The following ACYP2 variants were observed in gnomAD, a reference collection of about 807,000 sequenced individuals.
ACYP2 encodes the protein acylphosphatase 2, also known as acylphosphatase-2.
Under a neutral mutation model 11.2 loss-of-function variants are expected in ACYP2, and 12 were observed. The ratio of observed to expected loss-of-function variants is 1.08; its 90% CI spans 0.69 to 1.74. ACYP2 has a LOEUF of 1.74. Among genes scored for constraint, ACYP2 ranks in the 40% most tolerant of loss-of-function variants. The pLI is 0.00. For missense variants in ACYP2, 134 were observed against 101.9 expected (o/e 1.31, Z -1.35); for synonymous variants, 43 against 32.2 (o/e 1.33, Z -1.13).
intron 6 of ACYP2, among the ~76,000 whole-genome samples, chr2:54,298,730 CCTGTCTGCTCAGG>C (rs1301499487): frequency 5.3e-5 from 8 of 152,296 alleles, no homozygotes; most frequent in African/African-American, 1.4e-4. Flanking sequence ...GAGCAGCTGC[CCTGTCTGCTCAGG>C]CAGAAGCCAG....
At chr2:54,097,749 TA>T in intron 4 of ACYP2, among the ~76,000 whole-genome samples, 1 of 152,220 alleles carries the variant, frequency 6.6e-6, no homozygotes, top group South Asian at 2.1e-4. Context: ...CATGTTATTT[TA>T]GCTAGAAATG....
Position 54,077,585 on chromosome 2 carries a change from A to C in ACYP2, c.277+20225A>C, listed in dbSNP as rs116999426. Among the ~76,000 whole-genome samples, 87 of 152,312 alleles carry C rather than the reference A, an allele frequency of 5.7e-4. 1 individual carries two copies. The East Asian group carries it at 0.016, about 29-fold the overall frequency. The stretch of plus-strand genomic sequence containing the variant: ...AGGAAAGGGGACTTCTGAGAAGAGG[A>C]AGTGGTAACCAGGCAGAGAAGTGGC... On this transcript the variant is annotated intron_variant, in intron 4 of 6. Transcript: ENST00000607452.
chr2:54,265,996 T>G (rs1169375255), intron 6 of ACYP2, among the ~76,000 whole-genome samples: 2 of 152,222 alleles, frequency 1.3e-5, no homozygotes, highest in Non-Finnish European at 2.9e-5. Flanking sequence ...GAATTTATTA[T>G]GCCCATAAAA....
chr2:54,169,822 A>G (rs1188136476), intron 6 of ACYP2, among the ~76,000 whole-genome samples: 2 of 152,188 alleles, frequency 1.3e-5, no homozygotes, highest in African/African-American at 2.4e-5. Context: ...ACCAGCAACT[A>G]CTGCCTCTTC....
chr2:54,207,726 A>G (rs552749276), intron 6 of ACYP2, among the ~76,000 whole-genome samples: 51 of 152,306 alleles, frequency 3.3e-4, no homozygotes, highest in African/African-American at 1.0e-3. Context: ...GCACTCCAAA[A>G]TTGAGTGAAT....
At chr2:54,009,651 T>A (rs1361074517) in intron 2 of ACYP2, among the ~76,000 whole-genome samples, 3 of 151,840 alleles carry the variant, frequency 2.0e-5, no homozygotes, top group African/African-American at 7.3e-5. Context: ...CAGGAAGAAA[T>A]CAAGGCATGA....
At chr2:54,098,136 A>T (rs964970379) in intron 4 of ACYP2, among the ~76,000 whole-genome samples, 1 of 151,474 alleles carries the variant, frequency 6.6e-6, no homozygotes, top group Non-Finnish European at 1.5e-5. Context: ...CTAATTTTTT[A>T]AAAATTATTT....
At chr2:54,100,893 T>G (rs1185625744) in intron 4 of ACYP2, among the ~76,000 whole-genome samples, 1 of 152,236 alleles carries the variant, frequency 6.6e-6, no homozygotes, top group East Asian at 1.9e-4. Flanking sequence ...TTGAATATCA[T>G]GCCAAGAAAT....
intron 2 of ACYP2, among the ~76,000 whole-genome samples, chr2:53,985,161 C>T (rs1048384990): frequency 6.6e-6 from 1 of 151,828 alleles, no homozygotes; most frequent in Non-Finnish European, 1.5e-5. Flanking sequence ...GCTCTGCCTC[C>T]CTGGTTCCCA....
At chr2:54,048,460 G>T (rs1675645269) in intron 2 of ACYP2, among the ~76,000 whole-genome samples, 1 of 152,108 alleles carries the variant, frequency 6.6e-6, no homozygotes, top group Non-Finnish European at 1.5e-5. Flanking sequence ...TGTGTTAACA[G>T]CTACATAACA....
intron 4 of ACYP2, among the ~76,000 whole-genome samples, chr2:54,103,794 T>A (rs1261466442): frequency 6.6e-6 from 1 of 152,262 alleles, no homozygotes. Context: ...GGATCTTTAA[T>A]GGTATCCCAC....
chr2:54,126,353 T>C (rs889737894), intron 4 of ACYP2, among the ~76,000 whole-genome samples: 1 of 152,188 alleles, frequency 6.6e-6, no homozygotes, highest in Admixed American at 6.5e-5. Context: ...GTTTTGTAAC[T>C]GGTCATCTGA....
At chr2:54,240,459 C>G (rs1204901799) in intron 6 of ACYP2, among the ~76,000 whole-genome samples, 1 of 152,134 alleles carries the variant, frequency 6.6e-6, no homozygotes, top group Non-Finnish European at 1.5e-5. Flanking sequence ...ACTCATTCTT[C>G]TCTACTTTAG....
intron 6 of ACYP2, among the ~76,000 whole-genome samples, chr2:54,244,253 G>A (rs1420394580): frequency 6.6e-6 from 1 of 152,116 alleles, no homozygotes; most frequent in Non-Finnish European, 1.5e-5. Context: ...CCAGGCTGGA[G>A]TGCAGTGGTG....
chr2:54,192,074 C>G (rs1684262060), intron 6 of ACYP2, among the ~76,000 whole-genome samples: 1 of 152,114 alleles, frequency 6.6e-6, no homozygotes. Flanking sequence ...AATCTTGTTT[C>G]TACTTAAGGA....
chr2:54,048,623 C>G (rs967726467), intron 2 of ACYP2, among the ~76,000 whole-genome samples: 1 of 152,130 alleles, frequency 6.6e-6, no homozygotes, highest in Non-Finnish European at 1.5e-5. Context: ...ACCTCAGCCA[C>G]CAGAGTAGCT....
intron 6 of ACYP2, among the ~76,000 whole-genome samples, chr2:54,230,647 T>C (rs1686194162): frequency 6.6e-6 from 1 of 151,822 alleles, no homozygotes; most frequent in Non-Finnish European, 1.5e-5. Flanking sequence ...ATTACAGGCA[T>C]GAGCCACTGT....
intron 4 of ACYP2, among the ~76,000 whole-genome samples, chr2:54,090,053 G>C (rs901839743): frequency 2.0e-5 from 3 of 150,916 alleles, no homozygotes; most frequent in African/African-American, 7.3e-5. Context: ...GCTGAGTCAG[G>C]TGAATCTCTT....
chr2:53,971,562 A>G (rs1490524716), intron 1 of ACYP2, among the ~76,000 whole-genome samples: 1 of 151,714 alleles, frequency 6.6e-6, no homozygotes, highest in East Asian at 1.9e-4. Flanking sequence ...TTTGTGTGTA[A>G]GGCGCTCAGT....
Sources: gnomAD v4.1 joint callset for allele counts (sites outside exome capture counted in the v4.1 genomes callset) on GRCh38, gnomAD v4.1.1 for gene constraint, MANE v1.5 for transcripts, NCBI Gene and HGNC (gene_info 2026-07-23, HGNC 2026-07-21) for gene names.